Variants in ZNF560 observed in about 807,000 individuals in gnomAD.
ZNF560 encodes the protein zinc finger protein 560.
Under a neutral mutation model 81.8 loss-of-function variants are expected in ZNF560, and 54 were observed. The ratio of observed to expected loss-of-function variants is 0.66; its 90% CI spans 0.53 to 0.83. The LOEUF is 0.83. ZNF560 is among the 40% of genes least tolerant of loss of function. The pLI, the probability that ZNF560 is intolerant of heterozygous loss-of-function variation, is 0.00. For missense variants in ZNF560, 940 were observed against 932.4 expected, an observed-to-expected ratio of 1.01 and a Z score of -0.11; for synonymous variants, 321 against 317.9, an observed-to-expected ratio of 1.01 and a Z score of -0.10.
At chr19:9,451,310 AAG>A in the ZNF560 span, among the ~76,000 whole-genome samples, 1 of 152,176 alleles carries the variant, frequency 6.6e-6, no homozygotes, top group East Asian at 1.9e-4. Context: ...TAAAAAATAA[AAG>A]AAGCCACATA....
chr19:9,490,450 TG>T (rs1324656102), intron 2 of ZNF560, among the ~76,000 whole-genome samples: 1 of 152,164 alleles, frequency 6.6e-6, no homozygotes, highest in South Asian at 2.1e-4. Flanking sequence ...CAGAGATTAT[TG>T]GTGTTAGCAA....
upstream of ZNF560, among the ~76,000 whole-genome samples, chr19:9,499,770 A>T (rs2073616477): frequency 6.6e-6 from 1 of 152,298 alleles, no homozygotes; most frequent in South Asian, 2.1e-4. Flanking sequence ...CTCTTTCAGT[A>T]ATGTTTTGAA....
chr19:9,480,190 A>C (rs2073264686), intron 2 of ZNF560, among the ~76,000 whole-genome samples: 1 of 152,222 alleles, frequency 6.6e-6, no homozygotes, highest in Non-Finnish European at 1.5e-5. Context: ...AAGTGCACAC[A>C]GAACATTATC....
the ZNF560 span, among the ~76,000 whole-genome samples, chr19:9,453,436 A>G: frequency 3.8e-5 from 4 of 106,586 alleles, no homozygotes; most frequent in Admixed American, 2.8e-4. Flanking sequence ...AGCAACATTA[A>G]TGTTTTTCAT....
At chr19:9,464,328 A>G (rs1184470318), downstream of ZNF560, among the ~76,000 whole-genome samples, 1 of 152,226 alleles carries the variant, frequency 6.6e-6, no homozygotes, top group Non-Finnish European at 1.5e-5. Flanking sequence ...AGTCAGGCAT[A>G]TATGACTGCT....
chr19:9,477,489 A>C (rs550889892), intron 2 of ZNF560, among the ~76,000 whole-genome samples: 40 of 152,304 alleles, frequency 2.6e-4, no homozygotes, highest in African/African-American at 9.6e-4. Flanking sequence ...TTAGAACAAG[A>C]ATGTCATCCT....
At chr19:9,460,877 T>C in the ZNF560 span, among the ~76,000 whole-genome samples, 3 of 152,186 alleles carry the variant, frequency 2.0e-5, no homozygotes, top group African/African-American at 7.2e-5. Context: ...TCATTATTGA[T>C]TGGTCCCCTA....
At chr19:9,456,592 G>A in the ZNF560 span, among the ~76,000 whole-genome samples, 2 of 152,128 alleles carry the variant, frequency 1.3e-5, no homozygotes, top group Admixed American at 6.6e-5. Flanking sequence ...TAAAGGTTTG[G>A]TAGATACAGG....
chr19:9,462,573 T>C (rs548023319), downstream of ZNF560, among the ~76,000 whole-genome samples: 2 of 152,254 alleles, frequency 1.3e-5, no homozygotes, highest in Admixed American at 1.3e-4. Context: ...TGGATTGTGG[T>C]CTCCATGACC....
intron 2 of ZNF560, among the ~76,000 whole-genome samples, chr19:9,489,721 C>G (rs1017278559): frequency 2.0e-5 from 3 of 152,116 alleles, no homozygotes; most frequent in African/African-American, 7.2e-5. Context: ...TTCTGAGTAG[C>G]TGGGACTACA....
At chr19:9,491,444 T>C (rs1599679743) in intron 2 of ZNF560, among the ~76,000 whole-genome samples, 1 of 152,120 alleles carries the variant, frequency 6.6e-6, no homozygotes, top group African/African-American at 2.4e-5. Context: ...ATTTGTGGGT[T>C]CAGTTGTCTA....
the ZNF560 span, among the ~76,000 whole-genome samples, chr19:9,454,789 C>T: frequency 6.6e-6 from 1 of 152,056 alleles, no homozygotes; most frequent in Non-Finnish European, 1.5e-5. Flanking sequence ...TCAGTGTGGG[C>T]TCTGATTCAT....
the ZNF560 span, among the ~76,000 whole-genome samples, chr19:9,446,328 C>A: frequency 6.6e-6 from 1 of 151,284 alleles, no homozygotes; most frequent in Admixed American, 6.6e-5. Context: ...GCATTTACTC[C>A]ACCTTTCCCT....
chr19:9,462,962 T>A (rs1458929636), downstream of ZNF560, among the ~76,000 whole-genome samples: 8 of 152,208 alleles, frequency 5.3e-5, no homozygotes, highest in Admixed American at 5.2e-4. Flanking sequence ...AACCTTGACC[T>A]TTTAAAAATC....
In ZNF560 at chr19:9,466,587, A is replaced by C. The variant is rs760535052; in HGVS notation, c.2360T>G (p.Leu787Trp). ...CAGGGCTTCTCTCTAGTGTGTTTTC[A>C]AATGTGCAATACGAGCTGAGAAAGA... ...FASFSARIAH[L>W]KTH is the part of the protein sequence containing the mutation. Residue 787 changes from leucine (L) to tryptophan (W), a missense_variant, in exon 10 of 10, where the codon TTG (leucine) becomes TGG (tryptophan). By Grantham distance (61) the Leu-to-Trp change is moderately conservative (BLOSUM62 -2). Coordinates refer to ENST00000301480, the MANE Select transcript of ZNF560 (RefSeq NM_152476.3). 1 of 1,596,516 alleles carries C rather than the reference A, an allele frequency of 6.3e-7. No homozygotes were observed. Among genetic ancestry groups the C allele is most frequent in the South Asian group, 1.1e-5 (1 of 88,714 alleles).
chr19:9,488,201 CTCT>C (rs1357373097), intron 2 of ZNF560, among the ~76,000 whole-genome samples: 1 of 152,196 alleles, frequency 6.6e-6, no homozygotes, highest in Non-Finnish European at 1.5e-5. Flanking sequence ...AGCCTGCTTC[CTCT>C]TCTGCCTCTC....
chr19:9,484,125 A>C (rs942285643), intron 2 of ZNF560, among the ~76,000 whole-genome samples: 2 of 152,134 alleles, frequency 1.3e-5, no homozygotes, highest in Admixed American at 1.3e-4. Context: ...CCACTCCCTA[A>C]TCTCAAGTAC....
intron 2 of ZNF560, among the ~76,000 whole-genome samples, chr19:9,476,102 CTATA>C (rs1461199676): frequency 6.6e-6 from 1 of 152,144 alleles, no homozygotes; most frequent in East Asian, 1.9e-4. Flanking sequence ...GAGCCCTGGA[CTATA>C]TATTCTGCAT....
Position 9,470,140 on chromosome 19 carries a change from C to T in ZNF560, c.448+252G>A, listed in dbSNP as rs534782420. The stretch of plus-strand genomic sequence containing the variant: ...CAGCAGACTTTTTGATTTAGTACAT[C>T]GAGTCTGAGAATGTACACATATCTA... On this transcript the variant is annotated intron_variant, in intron 7 of 9. Transcript: ENST00000301480. Among the ~76,000 whole-genome samples, 8 of 152,246 alleles carry T rather than the reference C, an allele frequency of 5.3e-5. No individual in the cohort carries two copies. The East Asian group carries it at 1.5e-3, about 29-fold the overall frequency.
Sources: allele counts gnomAD v4.1 joint callset (sites outside exome capture counted in the v4.1 genomes callset), GRCh38; gene constraint gnomAD v4.1.1; transcripts MANE v1.5; gene names NCBI Gene and HGNC (gene_info 2026-07-23, HGNC 2026-07-21).